Variants in EML5 observed in about 807,000 individuals in gnomAD.
The protein encoded by EML5 is echinoderm microtubule-associated protein-like 5.
In EML5, 120 loss-of-function variants were observed where a neutral mutation model predicts 250.0. The observed-to-expected ratio is 0.48, with a 90% CI of 0.41 to 0.56. The LOEUF (loss-of-function observed/expected upper bound fraction) is 0.56. EML5 is among the 20% of genes least tolerant of loss of function. The probability of loss-of-function intolerance (pLI) is 0.00; values close to 1 mark genes in which losing one functional copy is unlikely to be tolerated. For missense variants in EML5, 2,006 were observed against 2,437.6 expected (o/e 0.82, Z 3.73); for synonymous variants, 771 against 806.5 (o/e 0.96, Z 0.75).
intron 32 of EML5, among the ~76,000 whole-genome samples, chr14:88,635,591 G>A (rs1478161367): frequency 6.6e-6 from 1 of 152,154 alleles, no homozygotes; most frequent in African/African-American, 2.4e-5. Flanking sequence ...CTCTTACCTT[G>A]ATGAGTACAC....
At chr14:88,722,884 C>A (rs1015883824) in intron 8 of EML5, among the ~76,000 whole-genome samples, 2 of 152,014 alleles carry the variant, frequency 1.3e-5, no homozygotes, top group African/African-American at 2.4e-5. Context: ...ACATTCTGCA[C>A]ATGTACTTTG....
intron 1 of EML5, among the ~76,000 whole-genome samples, chr14:88,782,981 A>G (rs1595881214): frequency 6.6e-6 from 1 of 152,312 alleles, no homozygotes; most frequent in South Asian, 2.1e-4. Context: ...CAGGAGGCTG[A>G]AACAGAAGAA....
chr14:88,705,649 T>C, intron 11 of EML5, 61 bp from the exon 12 acceptor site: 1 of 1,237,640 alleles, frequency 8.1e-7, no homozygotes. Context: ...AAAACAGCAC[T>C]GAAAAATTAA....
intron 35 of EML5, 179 bp from the exon 36 acceptor site, chr14:88,625,306 T>G: frequency 1.6e-6 from 1 of 617,398 alleles, no homozygotes. Flanking sequence ...CTTAGCTTTG[T>G]CAGGACCTTT....
chr14:88,747,562 G>A (rs1178161530), intron 2 of EML5, among the ~76,000 whole-genome samples: 1 of 152,084 alleles, frequency 6.6e-6, no homozygotes, highest in African/African-American at 2.4e-5. Flanking sequence ...GGCATTATTA[G>A]TTAAATAACA....
chr14:88,691,056 C>T (rs945421211), intron 17 of EML5, among the ~76,000 whole-genome samples: 9 of 152,286 alleles, frequency 5.9e-5, no homozygotes, highest in Middle Eastern at 3.4e-3. Context: ...TGGGCTGGTC[C>T]CCACCTACAA....
chr14:88,633,377 G>A (rs1189732247), intron 33 of EML5, among the ~76,000 whole-genome samples: 1 of 151,560 alleles, frequency 6.6e-6, no homozygotes, highest in African/African-American at 2.4e-5. Flanking sequence ...CAGCCTCCCA[G>A]AGTGCTCGGA....
chr14:88,686,151 G>C (rs540991364), intron 19 of EML5, among the ~76,000 whole-genome samples: 1 of 152,174 alleles, frequency 6.6e-6, no homozygotes, highest in East Asian at 1.9e-4. Flanking sequence ...AAAAAATCAG[G>C]TTTGATATTT....
chr14:88,714,558 C>T (rs377149606), intron 9 of EML5, among the ~76,000 whole-genome samples: 82 of 152,200 alleles, frequency 5.4e-4, no homozygotes, highest in African/African-American at 1.9e-3. Flanking sequence ...TCTCACCACA[C>T]ACACACAAAA....
intron 32 of EML5, among the ~76,000 whole-genome samples, chr14:88,635,971 C>A (rs1391585007): frequency 1.3e-5 from 2 of 152,216 alleles, no homozygotes; most frequent in Non-Finnish European, 2.9e-5. Context: ...TGATTTTGGA[C>A]TTCCAACCTC....
chr14:88,742,746 C>T (rs2093942040), intron 4 of EML5, among the ~76,000 whole-genome samples: 1 of 152,006 alleles, frequency 6.6e-6, no homozygotes, highest in African/African-American at 2.4e-5. Context: ...CAGCATACAG[C>T]CTTTTTGGTA....
At chr14:88,743,034 T>C (rs56671371) in intron 4 of EML5, among the ~76,000 whole-genome samples, 1,564 of 152,222 alleles carry the variant, frequency 0.01, 25 homozygotes, top group African/African-American at 0.036. Context: ...ATAATGAATA[T>C]CACCACTGAC....
intron 27 of EML5, among the ~76,000 whole-genome samples, chr14:88,651,680 C>T (rs147981909): frequency 6.6e-6 from 1 of 151,968 alleles, no homozygotes; most frequent in East Asian, 1.9e-4. Flanking sequence ...TTAAACACTA[C>T]ACTTCAAATA....
At chr14:88,616,297 G>T (rs2087601303) in intron 42 of EML5, 55 bp from the exon 43 acceptor site, 2 of 1,506,836 alleles carry the variant, frequency 1.3e-6, no homozygotes, top group Non-Finnish European at 1.8e-6. Context: ...GAAGTCAAAG[G>T]CTCTTATTAG....
At position 88,664,644 on chromosome 14, in the gene EML5, G is replaced by A; in HGVS notation, c.3278-20C>T. On this transcript the variant is annotated intron_variant, in intron 22 of 43. Transcript: ENST00000554922. ...CAGAACCTATAATAGAAACATATTT[G>A]CTTGACATTTTCTATCTTTGGAAAT... The A allele has an allele frequency of 6.3e-7, 1 of 1,592,248 alleles. No individual in the cohort carries two copies. Among genetic ancestry groups the A allele is most frequent in the South Asian group, 1.2e-5 (1 of 84,726 alleles).
At position 88,679,509 on chromosome 14, in the gene EML5, T is replaced by C. The variant is rs557663794; in HGVS notation, c.3124+2381A>G. ...GAGTTCAAGACCAGCCTGGCCAACA[T>C]GGTGAAACTCCATCTCTACTAAAAA... On this transcript the variant is annotated intron_variant, in intron 21 of 43. Coordinates refer to ENST00000554922, the MANE Select transcript of EML5 (RefSeq NM_183387.3). Among the ~76,000 whole-genome samples the C allele has an allele frequency of 4.3e-4, 66 of 152,008 alleles. 2 individuals are homozygous for C. The South Asian group carries it at 0.014, about 31-fold the overall frequency.
chr14:88,618,534 A>G (rs1380977253), intron 40 of EML5, 116 bp downstream of exon 40: 7 of 1,273,880 alleles, frequency 5.5e-6, no homozygotes, highest in Admixed American at 2.6e-5. Flanking sequence ...AGAAGGTACA[A>G]AGGGAGGAGT....
intron 17 of EML5, among the ~76,000 whole-genome samples, chr14:88,689,321 TTA>T (rs57861940): frequency 0.15 from 23,568 of 152,158 alleles, 2,073 homozygotes; most frequent in East Asian, 0.28. Context: ...TTTCCGAAGT[TTA>T]TATACCAATG....
In EML5 at chr14:88,715,372, T is replaced by C. The variant is rs1486696912; in HGVS notation, c.1188-177A>G. Among the ~76,000 whole-genome samples the C allele has an allele frequency of 4.6e-5, 7 of 152,302 alleles. No homozygotes were observed. The South Asian group carries it at 6.2e-4, about 14-fold the overall frequency. ...CAATACGTTGCTGAACAGAAATACATGGAAACAATATATGCCAGATGTACA... is the reference window on the plus strand; with the variant it reads ...CAATACGTTGCTGAACAGAAATACACGGAAACAATATATGCCAGATGTACA... On this transcript the variant is annotated intron_variant, in intron 8 of 43. Coordinates refer to ENST00000554922, the MANE Select transcript of EML5 (RefSeq NM_183387.3).
Sources: allele counts gnomAD v4.1 joint callset (sites outside exome capture counted in the v4.1 genomes callset), GRCh38; gene constraint gnomAD v4.1.1; transcripts MANE v1.5; gene names NCBI Gene and HGNC (gene_info 2026-07-23, HGNC 2026-07-21).